The following GNG7 variants were observed in gnomAD, a reference collection of about 807,000 sequenced individuals.
GNG7 encodes the protein guanine nucleotide-binding protein G(I)/G(S)/G(O) subunit gamma-7.
In GNG7, 1 loss-of-function variant was observed where a neutral mutation model predicts 4.0. That is an observed-to-expected ratio of 0.25 (90% confidence interval 0.09 to 1.18). GNG7 has a LOEUF of 1.18. GNG7 is among the 50% of genes most tolerant of loss of function. The probability of loss-of-function intolerance (pLI) is 0.50; values close to 1 mark genes in which losing one functional copy is unlikely to be tolerated. For missense variants in GNG7, 86 were observed against 91.9 expected (o/e 0.94, Z 0.26); for synonymous variants, 34 against 36.9 (o/e 0.92, Z 0.29).
intron 3 of GNG7, among the ~76,000 whole-genome samples, chr19:2,542,423 G>A (rs1483820468): frequency 2.6e-5 from 4 of 151,974 alleles, no homozygotes; most frequent in African/African-American, 7.3e-5. Flanking sequence ...GCCTGGGGTG[G>A]GTTTTTTCAT....
intron 3 of GNG7, among the ~76,000 whole-genome samples, chr19:2,551,682 T>C (rs1979337917): frequency 1.3e-5 from 2 of 148,916 alleles, no homozygotes; most frequent in Admixed American, 6.7e-5. Context: ...AAAATATATA[T>C]ATATACACAC....
chr19:2,662,640 G>A (rs1983209917), intron 1 of GNG7, among the ~76,000 whole-genome samples: 3 of 152,310 alleles, frequency 2.0e-5, no homozygotes, highest in South Asian at 4.1e-4. Context: ...GAAGGGCAAA[G>A]CTTCCTTGGC....
intron 1 of GNG7, among the ~76,000 whole-genome samples, chr19:2,692,364 G>A (rs902072570): frequency 6.6e-6 from 1 of 152,066 alleles, no homozygotes; most frequent in Admixed American, 6.5e-5. Flanking sequence ...GGCCGGGCGC[G>A]GTGGCTCACG....
At chr19:2,661,566 G>C (rs549267262) in intron 1 of GNG7, among the ~76,000 whole-genome samples, 3 of 151,494 alleles carry the variant, frequency 2.0e-5, no homozygotes, top group African/African-American at 7.3e-5. Context: ...TCAGCTACTC[G>C]GGAGGCTGAG....
chr19:2,584,655 GGAAGGAAGGAAA>G (rs1980595535), intron 2 of GNG7, among the ~76,000 whole-genome samples: 1 of 102,792 alleles, frequency 9.7e-6, no homozygotes, highest in Non-Finnish European at 2.0e-5. Context: ...AGGGAGGGAG[GGAAGGAAGGAAA>G]GAAGGAAGGA....
intron 1 of GNG7, among the ~76,000 whole-genome samples, chr19:2,680,452 C>G (rs951310466): frequency 1.6e-4 from 25 of 152,160 alleles, no homozygotes; most frequent in African/African-American, 6.0e-4. Context: ...GCCCAGCCAC[C>G]TGTCTCTATT....
intron 3 of GNG7, chr19:2,538,016 G>A: frequency 5.0e-6 from 2 of 403,426 alleles, no homozygotes; most frequent in African/African-American, 2.1e-5. Context: ...GGCGGAGGCT[G>A]TAGTGAGCTA....
rs1982023138 is a variant in GNG7, at chr19:2,626,400, T to A, written c.-78+19824A>T. Reference sequence around the variant, plus strand: ...GGAGGCTGGACCCAAACCAATTGATTGTTGTCATGGGTGGAGCCGGAACCC... The same window carrying A: ...GGAGGCTGGACCCAAACCAATTGATAGTTGTCATGGGTGGAGCCGGAACCC... On this transcript the variant is annotated intron_variant, in intron 2 of 4. Coordinates refer to ENST00000382159, the MANE Select transcript of GNG7 (RefSeq NM_052847.3). The surrounding 1 kb of genome is among the most constrained non-coding windows in gnomAD (Gnocchi z 5.0). 6.6e-6 allele frequency among the ~76,000 whole-genome samples: 1 copy of A among 152,136 alleles called. No homozygotes were observed. Among genetic ancestry groups the A allele is most frequent in the African/African-American group, 2.4e-5 (1 of 41,410 alleles).
At chr19:2,622,916 G>A (rs1981921538) in intron 2 of GNG7, among the ~76,000 whole-genome samples, 2 of 152,238 alleles carry the variant, frequency 1.3e-5, no homozygotes, top group South Asian at 2.1e-4. Context: ...TATACCACTA[G>A]AGCTCTGACA....
At chr19:2,620,762 A>T (rs1981847867) in intron 2 of GNG7, among the ~76,000 whole-genome samples, 1 of 151,704 alleles carries the variant, frequency 6.6e-6, no homozygotes, top group Non-Finnish European at 1.5e-5. Context: ...AATTGCTTGA[A>T]CCCGGGAAGT....
At chr19:2,516,610 G>A (rs202054035) in intron 4 of GNG7, among the ~76,000 whole-genome samples, 3 of 152,196 alleles carry the variant, frequency 2.0e-5, no homozygotes, top group South Asian at 2.1e-4. Context: ...AGGGACAGAT[G>A]GACCCCGTTT....
intron 1 of GNG7, among the ~76,000 whole-genome samples, chr19:2,691,513 C>T (rs59612237): frequency 0.034 from 5,182 of 151,610 alleles, 312 homozygotes; most frequent in African/African-American, 0.12. Flanking sequence ...CACTACACTC[C>T]GGCCTGGGCA....
At chr19:2,604,328 CG>C (rs1246214911) in intron 2 of GNG7, among the ~76,000 whole-genome samples, 2 of 151,260 alleles carry the variant, frequency 1.3e-5, no homozygotes, top group African/African-American at 4.9e-5. Context: ...ATAAATTAGC[CG>C]GATGTGGTGG....
At chr19:2,564,773 A>AGC (rs1979850224) in intron 2 of GNG7, among the ~76,000 whole-genome samples, 2 of 152,194 alleles carry the variant, frequency 1.3e-5, no homozygotes, top group African/African-American at 4.8e-5. Flanking sequence ...CCTTGATCTC[A>AGC]GACTTCTGGC....
chr19:2,665,762 T>C (rs1983294687), intron 1 of GNG7, among the ~76,000 whole-genome samples: 2 of 152,218 alleles, frequency 1.3e-5, no homozygotes, highest in Admixed American at 6.5e-5. Flanking sequence ...ATTACATAAA[T>C]GAGTATCTAT....
In GNG7 at chr19:2,585,952, G is replaced by A. The variant is rs377058595; in HGVS notation, c.-77-30764C>T. 4.7e-4 allele frequency among the ~76,000 whole-genome samples: 71 copies of A among 152,224 alleles called. 1 individual carries two copies. The East Asian group carries it at 0.013, about 27-fold the overall frequency. On this transcript the variant is annotated intron_variant, in intron 2 of 4. Transcript: ENST00000382159. ...CTTGACCTCGTGATCCACCCGCCTCGGCCTCCCAAAGTGCTGGGATTACAG... is the reference window on the plus strand; with the variant it reads ...CTTGACCTCGTGATCCACCCGCCTCAGCCTCCCAAAGTGCTGGGATTACAG...
chr19:2,513,533 A>G lies in GNG7; in HGVS notation c.*1489T>C. On this transcript the variant is annotated 3_prime_UTR_variant, in exon 5 of 5. Transcript: ENST00000382159. ...AGAAGCCTCCCCCCGACCCCATGAC[A>G]TCTTCGATTTCCACTTGCCGCTGGG... 6 of 985,534 alleles carry G rather than the reference A, an allele frequency of 6.1e-6. No homozygotes were observed. Among genetic ancestry groups the G allele is most frequent in the Non-Finnish European group, 7.2e-6 (6 of 830,038 alleles). The allele number at this position is 985,534 out of a possible 1,614,324, so 61.0% of individuals were successfully genotyped here.
intron 1 of GNG7, among the ~76,000 whole-genome samples, chr19:2,666,211 C>T (rs1006705111): frequency 2.0e-5 from 3 of 151,646 alleles, no homozygotes; most frequent in Admixed American, 6.6e-5. Flanking sequence ...TTGCTCTTGT[C>T]GCCCAGGCTG....
chr19:2,515,199 C>T lies in GNG7; in HGVS notation c.82-52G>A, dbSNP rs1201950559. On this transcript the variant is annotated intron_variant, in intron 4 of 4. Transcript: ENST00000382159. ...GAGGAGACATAAGAAGAGGCTGGCA[C>T]ACCCGGGTTCACAGCAGCACCATTC... 14 of 1,607,124 alleles carry T rather than the reference C, an allele frequency of 8.7e-6. No homozygotes were observed. The Middle Eastern group carries it at 2.6e-3, about 296-fold the overall frequency.
Sources: gnomAD v4.1 joint callset for allele counts (sites outside exome capture counted in the v4.1 genomes callset) on GRCh38, gnomAD v4.1.1 for gene constraint, Gnocchi (gnomAD v3.1) non-coding constraint, MANE v1.5 for transcripts, NCBI Gene and HGNC (gene_info 2026-07-23, HGNC 2026-07-21) for gene names.